Variants in ASTN2 observed in about 807,000 individuals in gnomAD.
ASTN2 encodes astrotactin 2, also known as astrotactin-2.
In ASTN2, 54 loss-of-function variants were observed where a neutral mutation model predicts 139.8. That is an observed-to-expected ratio of 0.39 (90% CI 0.31 to 0.48). The LOEUF (loss-of-function observed/expected upper bound fraction) is 0.48, where lower values mean the gene tolerates loss of function less well. Ranked by LOEUF, ASTN2 falls within the 20% of genes least tolerant of loss-of-function variation. The pLI, the probability that ASTN2 is intolerant of heterozygous loss-of-function variation, is 0.95. For missense variants in ASTN2, 1,565 were observed against 1,725.1 expected, an observed-to-expected ratio of 0.91 and a Z score of 1.64; for synonymous variants, 756 against 719.5, an observed-to-expected ratio of 1.05 and a Z score of -0.81.
chr9:117,299,561 C>A (rs1834825200), intron 1 of ASTN2, among the ~76,000 whole-genome samples: 2 of 152,142 alleles, frequency 1.3e-5, no homozygotes, highest in Non-Finnish European at 2.9e-5. Context: ...AAGAAGGTCA[C>A]AAATGTACAA....
intron 8 of ASTN2, among the ~76,000 whole-genome samples, 160 bp from the exon 9 acceptor site, chr9:116,976,348 C>T (rs1461464644): frequency 6.6e-6 from 1 of 152,230 alleles, no homozygotes; most frequent in Non-Finnish European, 1.5e-5. Flanking sequence ...CTCCAATTTA[C>T]AGAAGGATTC....
intron 13 of ASTN2, among the ~76,000 whole-genome samples, chr9:116,778,887 T>C (rs9785278): frequency 0.8 from 121,107 of 152,100 alleles, 49,660 homozygotes; most frequent in Non-Finnish European, 0.91. Context: ...ATGGAAGGAG[T>C]GTAGGCTCCT....
chr9:117,158,690 GC>G (rs1219793256), intron 3 of ASTN2, among the ~76,000 whole-genome samples: 3 of 152,026 alleles, frequency 2.0e-5, no homozygotes, highest in African/African-American at 7.2e-5. Flanking sequence ...GAAGATTCAG[GC>G]AGATAGCCAG....
At chr9:117,399,184 C>T (rs959340400) in intron 1 of ASTN2, among the ~76,000 whole-genome samples, 6 of 152,136 alleles carry the variant, frequency 3.9e-5, no homozygotes, top group African/African-American at 1.4e-4. Flanking sequence ...AGAAAGCTTA[C>T]ATACTAACAA....
At chr9:117,169,486 A>C (rs1289983818) in intron 3 of ASTN2, among the ~76,000 whole-genome samples, 1 of 152,080 alleles carries the variant, frequency 6.6e-6, no homozygotes, top group Admixed American at 6.5e-5. Context: ...TTTGCTTATG[A>C]TTGTTCTTGG....
intron 19 of ASTN2, among the ~76,000 whole-genome samples, chr9:116,608,208 G>A (rs1032170526): frequency 7.2e-5 from 11 of 152,200 alleles, no homozygotes; most frequent in African/African-American, 2.7e-4. Flanking sequence ...TAATGGAGAG[G>A]AGAGAGCTGC....
At chr9:117,209,817 T>C (rs1832060828) in intron 3 of ASTN2, among the ~76,000 whole-genome samples, 1 of 152,050 alleles carries the variant, frequency 6.6e-6, no homozygotes, top group Admixed American at 6.5e-5. Context: ...ACAAAACAAA[T>C]CTCAGAAAAT....
intron 8 of ASTN2, 28 bp from the exon 9 acceptor site, chr9:116,976,216 G>C: frequency 2.5e-6 from 4 of 1,599,008 alleles, no homozygotes; most frequent in Non-Finnish European, 3.4e-6. Flanking sequence ...GGGGAGAGAA[G>C]ATGACATTAG....
intron 18 of ASTN2, among the ~76,000 whole-genome samples, chr9:116,619,111 T>C (rs1855998524): frequency 6.6e-6 from 1 of 152,228 alleles, no homozygotes; most frequent in Admixed American, 6.5e-5. Flanking sequence ...GTGATTTTGC[T>C]TATCCTTATC....
Position 116,478,232 on chromosome 9 carries a change from GGGGA to G in ASTN2, c.3497+9123_3497+9126del, listed in dbSNP as rs1204435176. 6.8e-4 allele frequency among the ~76,000 whole-genome samples: 70 copies of G among 103,504 alleles called. 4 individuals are homozygous for G. Among genetic ancestry groups the G allele is most frequent in the South Asian group, 4.0e-3 (8 of 1,978 alleles). The allele number at this position is 103,504 out of a possible 152,430, so 67.9% of individuals were successfully genotyped here. A position where few individuals can be genotyped will look rare whatever the true frequency, so the allele number is the denominator to read the frequency against. On this transcript the variant is annotated intron_variant, in intron 20 of 22. Transcript: ENST00000313400. ...AGGGAGGGGTAGTGGGGGAGTAAGG[GGGGA>G]GGGAGGGAGGGAGGGAGGGAAGGAA...
At chr9:117,217,535 T>G (rs1019427619) in intron 2 of ASTN2, among the ~76,000 whole-genome samples, 1 of 152,180 alleles carries the variant, frequency 6.6e-6, no homozygotes, top group African/African-American at 2.4e-5. Flanking sequence ...AATGGCTAAG[T>G]GTTGGCATCA....
chr9:117,367,632 G>T (rs1032197040), intron 1 of ASTN2, among the ~76,000 whole-genome samples: 1 of 152,082 alleles, frequency 6.6e-6, no homozygotes, highest in Non-Finnish European at 1.5e-5. Context: ...AAGGTGCTCT[G>T]TCTGTGGTCA....
At chr9:117,107,545 T>G (rs1392532130) in intron 4 of ASTN2, among the ~76,000 whole-genome samples, 1 of 152,212 alleles carries the variant, frequency 6.6e-6, no homozygotes, top group Non-Finnish European at 1.5e-5. Flanking sequence ...CATTCTGCCG[T>G]ATCCTTTTTA....
chr9:117,126,287 C>G (rs183782048), intron 4 of ASTN2, among the ~76,000 whole-genome samples: 369 of 152,290 alleles, frequency 2.4e-3, no homozygotes, highest in Non-Finnish European at 3.4e-3. Flanking sequence ...GAGGTATGTG[C>G]TGCTAACAGA....
At chr9:117,384,395 C>T (rs1424490946) in intron 1 of ASTN2, among the ~76,000 whole-genome samples, 6 of 151,786 alleles carry the variant, frequency 4.0e-5, no homozygotes, top group Non-Finnish European at 5.9e-5. Flanking sequence ...TAACACATCT[C>T]GGCCTAACCA....
chr9:117,325,553 A>C (rs1828486518), intron 1 of ASTN2, among the ~76,000 whole-genome samples: 1 of 152,180 alleles, frequency 6.6e-6, no homozygotes, highest in African/African-American at 2.4e-5. Flanking sequence ...CCTTTCCAGC[A>C]GACTCCTAAA....
intron 4 of ASTN2, among the ~76,000 whole-genome samples, chr9:117,106,187 C>T (rs1829097809): frequency 3.9e-5 from 6 of 152,040 alleles, no homozygotes; most frequent in Admixed American, 3.9e-4. Flanking sequence ...GCTTATGTGC[C>T]CACTCACAAT....
In ASTN2 at chr9:116,983,581, C is replaced by T. The variant is rs142417209; in HGVS notation, c.1592-6796G>A. Among the ~76,000 whole-genome samples the T allele has an allele frequency of 2.6e-5, 4 of 152,328 alleles. No individual in the cohort carries two copies. The East Asian group carries it at 7.7e-4, about 29-fold the overall frequency. The stretch of plus-strand genomic sequence containing the variant: ...CCTTTGACAATGATCATGTGTGAGA[C>T]ACTGAGGGTCATTTCTCTGTAGTAC... On this transcript the variant is annotated intron_variant, in intron 7 of 22. Transcript: ENST00000313400.
intron 12 of ASTN2, among the ~76,000 whole-genome samples, chr9:116,815,876 A>C: frequency 6.6e-6 from 1 of 151,382 alleles, no homozygotes; most frequent in Admixed American, 6.6e-5. Flanking sequence ...TATGAGAAAT[A>C]ACTCTCTTAG....
Sources: gnomAD v4.1 joint callset for allele counts (sites outside exome capture counted in the v4.1 genomes callset) on GRCh38, gnomAD v4.1.1 for gene constraint, MANE v1.5 for transcripts, NCBI Gene and HGNC (gene_info 2026-07-23, HGNC 2026-07-21) for gene names.